The following PLEKHA4 variants were observed in gnomAD, a reference collection of about 807,000 sequenced individuals.
PLEKHA4 encodes pleckstrin homology domain containing A4, also known as pleckstrin homology domain-containing family A member 4.
A neutral mutation model predicts 94.7 loss-of-function variants in PLEKHA4; 73 were observed. The ratio of observed to expected loss-of-function variants is 0.77; its 90% confidence interval spans 0.64 to 0.94. The LOEUF (loss-of-function observed/expected upper bound fraction) is 0.94, where lower values mean the gene tolerates loss of function less well. PLEKHA4 is among the 40% of genes least tolerant of loss of function. The pLI is 0.00. For synonymous variants in PLEKHA4, 449 were observed against 437.1 expected, an observed-to-expected ratio of 1.03 and a Z score of -0.34; for missense variants, 1,049 against 1,054.1, an observed-to-expected ratio of 1.00 and a Z score of 0.07.
intron 3 of PLEKHA4, among the ~76,000 whole-genome samples, chr19:48,863,134 C>A (rs1428098865): frequency 6.6e-6 from 1 of 152,218 alleles, no homozygotes; most frequent in Admixed American, 6.5e-5. Context: ...CCCATAGAAG[C>A]CCACATGATC....
intron 18 of PLEKHA4, 22 bp downstream of exon 18, chr19:48,839,183 G>A: frequency 6.5e-7 from 1 of 1,541,584 alleles, no homozygotes; most frequent in Non-Finnish European, 8.8e-7. Flanking sequence ...CTGCTCCCTT[G>A]ATACGCCCTC....
At chr19:48,860,926 G>A (rs529912110) in intron 5 of PLEKHA4, among the ~76,000 whole-genome samples, 6 of 152,154 alleles carry the variant, frequency 3.9e-5, no homozygotes, top group Non-Finnish European at 8.8e-5. Context: ...GAAAGGACTG[G>A]ACAGACGCGG....
chr19:48,864,847 AC>A (rs1312648766), intron 3 of PLEKHA4, among the ~76,000 whole-genome samples: 19 of 152,304 alleles, frequency 1.2e-4, no homozygotes, highest in African/African-American at 4.6e-4. Flanking sequence ...CTGGGGTTAC[AC>A]CACTGAACCT....
chr19:48,850,937 C>T (rs1002032510), intron 13 of PLEKHA4, among the ~76,000 whole-genome samples: 2 of 151,826 alleles, frequency 1.3e-5, no homozygotes, highest in Admixed American at 1.3e-4. Flanking sequence ...GTCAGGAGTT[C>T]GAGACCAGCC....
intron 14 of PLEKHA4, among the ~76,000 whole-genome samples, chr19:48,846,406 G>A (rs145365272): frequency 0.017 from 2,627 of 151,926 alleles, 33 homozygotes; most frequent in Middle Eastern, 0.048. Context: ...AGCCAAGATC[G>A]AGCCACTTGC....
At chr19:48,846,627 G>A (rs2035981465) in intron 14 of PLEKHA4, among the ~76,000 whole-genome samples, 1 of 152,096 alleles carries the variant, frequency 6.6e-6, no homozygotes, top group African/African-American at 2.4e-5. Context: ...AATTCGCCGG[G>A]CATGGTGGCA....
At position 48,860,386 on chromosome 19, in the gene PLEKHA4, GCC is replaced by G; in HGVS notation, c.438_439del (p.Leu148GlyfsTer58). 6.2e-7 allele frequency: 1 copy of G among 1,614,054 alleles called. No homozygotes were observed. Among genetic ancestry groups the G allele is most frequent in the African/African-American group, 1.3e-5 (1 of 75,030 alleles). On this transcript the variant is annotated frameshift_variant, in exon 6 of 20. Coordinates refer to ENST00000263265, the MANE Select transcript of PLEKHA4 (RefSeq NM_020904.3). LOFTEE classifies it high-confidence loss of function. ...CTCCGCACGGGAGGCCCGGCCCAGC[GCC>G]CGTAGCCAGCCCCGCAGGTCTTCTA...
rs548290783 is a variant in PLEKHA4, at chr19:48,865,375, T to A, written c.192+128A>T. 1.4e-5 allele frequency: 9 copies of A among 634,862 alleles called. No individual in the cohort carries two copies. The African/African-American group carries it at 1.5e-4, about 10-fold the overall frequency. 39.3% of individuals were successfully genotyped at this position (634,862 alleles called of 1,614,324 possible). On this transcript the variant is annotated intron_variant, in intron 3 of 19. Coordinates refer to ENST00000263265, the MANE Select transcript of PLEKHA4 (RefSeq NM_020904.3). ...AATAAATAAACAAACAAACAAACAATGACGGACTAAGGGGAGGGGCAGTGA... is the reference window on the plus strand; with the variant it reads ...AATAAATAAACAAACAAACAAACAAAGACGGACTAAGGGGAGGGGCAGTGA...
At chr19:48,860,115 G>A (rs374444729) in intron 6 of PLEKHA4, 2 of 586,376 alleles carry the variant, frequency 3.4e-6, no homozygotes, top group Non-Finnish European at 6.1e-6. Context: ...CTGAGTGCGT[G>A]ACTGAAGGGT....
chr19:48,838,336 T>C, intron 18 of PLEKHA4: 1 of 382,724 alleles, frequency 2.6e-6, no homozygotes, highest in South Asian at 4.8e-5. Context: ...GGTAAATCCT[T>C]GAAAGGGGAT....
rs1432273036 is a variant in PLEKHA4, at chr19:48,867,801, G to A, written c.-6-175C>T. On this transcript the variant is annotated intron_variant, in intron 1 of 19. Transcript: ENST00000263265. The surrounding 1 kb of genome is among the most constrained non-coding windows in gnomAD (Gnocchi z 4.7). ...ACATACCAAGAGTGGTGCCAAGAGA[G>A]GTAGGCGGCCCTGGCAGCTGCGGGA... 2.6e-5 allele frequency among the ~76,000 whole-genome samples: 4 copies of A among 152,118 alleles called. No individual in the cohort carries two copies. Among genetic ancestry groups the A allele is most frequent in the African/African-American group, 7.2e-5 (3 of 41,406 alleles).
At position 48,852,220 on chromosome 19, in the gene PLEKHA4, C is replaced by G. The variant is rs772871018; in HGVS notation, c.1425+8G>C. 6.2e-6 allele frequency: 10 copies of G among 1,611,430 alleles called. No homozygotes were observed. On this transcript the variant is annotated splice_region_variant and intron_variant, in intron 13 of 19. Coordinates refer to ENST00000263265, the MANE Select transcript of PLEKHA4 (RefSeq NM_020904.3). ...GGTGGGTCTTGGGGTCTCCAAGCAGCGATTTACCTGGGGAGAACCAAGGTG... is the reference window on the plus strand; with the variant it reads ...GGTGGGTCTTGGGGTCTCCAAGCAGGGATTTACCTGGGGAGAACCAAGGTG...
Position 48,837,177 on chromosome 19 carries a change from G to T in PLEKHA4, c.*112C>A. The T allele has an allele frequency of 6.7e-7, 1 of 1,482,304 alleles. No homozygotes were observed. 91.8% of individuals were successfully genotyped at this position (1,482,304 alleles called of 1,614,324 possible). ...GCCATAGAAACCATTCCCCTCCCGG[G>T]CCCGCAATGGGGACCAGACCACGCC... On this transcript the variant is annotated 3_prime_UTR_variant, in exon 20 of 20. Coordinates refer to ENST00000263265, the MANE Select transcript of PLEKHA4 (RefSeq NM_020904.3). The surrounding 1 kb of genome is among the most constrained non-coding windows in gnomAD (Gnocchi z 4.3).
At chr19:48,844,428 T>C in intron 16 of PLEKHA4, 1 of 983,808 alleles carries the variant, frequency 1.0e-6, no homozygotes, top group Non-Finnish European at 1.2e-6. Flanking sequence ...GTGCTGGGAT[T>C]ACAGGTACGA....
intron 13 of PLEKHA4, among the ~76,000 whole-genome samples, chr19:48,849,345 ATCACCC>A (rs1425465340): frequency 4.0e-5 from 6 of 150,840 alleles, no homozygotes; most frequent in African/African-American, 1.5e-4. Context: ...GTCTCTCCCT[ATCACCC>A]AGGCTGGAGT....
Position 48,861,677 on chromosome 19 carries a change from G to A in PLEKHA4, c.208C>T (p.Arg70Cys), listed in dbSNP as rs377738843. Residue 70 changes from arginine (R) to cysteine (C), a missense_variant, in exon 4 of 20, where the codon CGT becomes TGT. Arg to Cys is a radical substitution (Grantham distance 180). Transcript: ENST00000263265. ...WLHKQDSSGL[R>C]LWKRRWFVLS... ...ACGAACCAGCGGCGTTTCCAGAGACGGAGCCCCGAGCTGTCCTGGGGAGAG... is the reference window on the plus strand; with the variant it reads ...ACGAACCAGCGGCGTTTCCAGAGACAGAGCCCCGAGCTGTCCTGGGGAGAG... 20 of 1,613,968 alleles carry A rather than the reference G, an allele frequency of 1.2e-5. No individual in the cohort carries two copies. Among genetic ancestry groups the A allele is most frequent in the African/African-American group, 4.0e-5 (3 of 74,938 alleles).
intron 14 of PLEKHA4, among the ~76,000 whole-genome samples, chr19:48,846,830 C>T (rs1277165825): frequency 1.3e-5 from 2 of 152,128 alleles, no homozygotes; most frequent in East Asian, 1.9e-4. Flanking sequence ...CCAACTGTGC[C>T]ATTTATTAGC....
chr19:48,848,099 T>TA, intron 13 of PLEKHA4, 59 bp from the exon 14 acceptor site: 2 of 1,544,314 alleles, frequency 1.3e-6, no homozygotes, highest in South Asian at 2.3e-5. Context: ...GGGTTTCAGC[T>TA]AATAGGCCCC....
At chr19:48,860,839 AAGAG>A (rs917470509) in intron 5 of PLEKHA4, among the ~76,000 whole-genome samples, 11 of 150,784 alleles carry the variant, frequency 7.3e-5, no homozygotes, top group African/African-American at 2.4e-4. Context: ...GAAAGAAAGA[AAGAG>A]AGAGAGAGAA....
Sources: gnomAD v4.1 joint callset for allele counts (sites outside exome capture counted in the v4.1 genomes callset) on GRCh38, gnomAD v4.1.1 for gene constraint, Gnocchi (gnomAD v3.1) non-coding constraint, MANE v1.5 for transcripts, NCBI Gene and HGNC (gene_info 2026-07-23, HGNC 2026-07-21) for gene names.